Variants in FKBP5 observed in about 807,000 individuals in gnomAD.
FKBP5 encodes the protein FKBP prolyl isomerase 5, also known as peptidyl-prolyl cis-trans isomerase FKBP5.
Under a neutral mutation model 50.5 loss-of-function variants are expected in FKBP5, and 23 were observed. The observed-to-expected ratio is 0.46, with a 90% confidence interval of 0.33 to 0.65. The LOEUF is 0.65. Among genes scored for constraint, FKBP5 ranks in the 30% least tolerant of loss-of-function variants. The pLI is 0.02. For synonymous variants in FKBP5, 176 were observed against 190.6 expected, an observed-to-expected ratio of 0.92 and a Z score of 0.63; for missense variants, 411 against 553.1, an observed-to-expected ratio of 0.74 and a Z score of 2.58.
chr6:35,581,782 G>T, intron 8 of FKBP5: 3 of 985,480 alleles, frequency 3.0e-6, no homozygotes, highest in Non-Finnish European at 3.6e-6. Flanking sequence ...CCTGCCAGAT[G>T]GCAGAGGAGC....
At chr6:35,656,861 C>T (rs1286367272) in intron 1 of FKBP5, among the ~76,000 whole-genome samples, 2 of 141,878 alleles carry the variant, frequency 1.4e-5, no homozygotes, top group East Asian at 4.1e-4. Flanking sequence ...CGTGCCACTG[C>T]ACTCCAGCCT....
chr6:35,590,577 C>G (rs1561847281), intron 7 of FKBP5, among the ~76,000 whole-genome samples: 1 of 152,038 alleles, frequency 6.6e-6, no homozygotes, highest in Non-Finnish European at 1.5e-5. Context: ...TCTCTCTTCT[C>G]TACTTGGAGA....
At chr6:35,694,967 T>A (rs1299053240) in intron 2 of FKBP5, among the ~76,000 whole-genome samples, 1 of 152,166 alleles carries the variant, frequency 6.6e-6, no homozygotes, top group East Asian at 1.9e-4. Flanking sequence ...AAGCAGCATA[T>A]AATAAATAAA....
At chr6:35,583,440 T>G in intron 8 of FKBP5, 1 of 985,450 alleles carries the variant, frequency 1.0e-6, no homozygotes, top group Non-Finnish European at 1.2e-6. Flanking sequence ...TTCCTTCACA[T>G]AGGGCATTTT....
chr6:35,618,245 T>C (rs1210677523), intron 5 of FKBP5, among the ~76,000 whole-genome samples: 3 of 152,208 alleles, frequency 2.0e-5, no homozygotes, highest in Non-Finnish European at 4.4e-5. Context: ...AGTCCACAGA[T>C]TGAGAATTTC....
chr6:35,611,800 A>G (rs1020958300), intron 5 of FKBP5, among the ~76,000 whole-genome samples: 1 of 152,242 alleles, frequency 6.6e-6, no homozygotes, highest in Non-Finnish European at 1.5e-5. Flanking sequence ...TCATATAAAG[A>G]GTAAAAATCA....
chr6:35,628,067 C>T (rs1764053561), intron 3 of FKBP5, among the ~76,000 whole-genome samples: 2 of 151,832 alleles, frequency 1.3e-5, no homozygotes, highest in Admixed American at 1.3e-4. Context: ...GCCACTGTGC[C>T]CGGCCTTCCT....
At chr6:35,590,284 G>C (rs990193624) in intron 7 of FKBP5, among the ~76,000 whole-genome samples, 2 of 151,902 alleles carry the variant, frequency 1.3e-5, no homozygotes, top group Admixed American at 6.6e-5. Context: ...TGGGTGACAA[G>C]AGTGAGACCC....
At chr6:35,589,128 A>ATATATATAT (rs1427010607) in intron 7 of FKBP5, among the ~76,000 whole-genome samples, 9 of 121,544 alleles carry the variant, frequency 7.4e-5, no homozygotes, top group African/African-American at 2.2e-4. Flanking sequence ...ATATATATAT[A>ATATATATAT]TTTTTTTTTT....
chr6:35,658,333 G>C (rs192516201), intron 1 of FKBP5, among the ~76,000 whole-genome samples: 186 of 150,714 alleles, frequency 1.2e-3, no homozygotes, highest in African/African-American at 4.3e-3. Context: ...CCGAGTTTGC[G>C]CCACTGCACT....
At chr6:35,686,751 C>T (rs1044857132) in intron 1 of FKBP5, among the ~76,000 whole-genome samples, 173 of 152,220 alleles carry the variant, frequency 1.1e-3, no homozygotes, top group African/African-American at 4.0e-3. Flanking sequence ...CTAAACTGAA[C>T]CCAAAATATG....
At chr6:35,610,033 T>C (rs768901813) in intron 5 of FKBP5, among the ~76,000 whole-genome samples, 1 of 152,320 alleles carries the variant, frequency 6.6e-6, no homozygotes, top group South Asian at 2.1e-4. Flanking sequence ...ATCAAATGAC[T>C]ATAGTTAGCT....
chr6:35,626,329 TA>T (rs1763998280), intron 3 of FKBP5, among the ~76,000 whole-genome samples: 1 of 152,224 alleles, frequency 6.6e-6, no homozygotes, highest in African/African-American at 2.4e-5. Context: ...CTTCCTTCTG[TA>T]ATGTTACACT....
In FKBP5 at chr6:35,641,764, C is replaced by T. The variant is rs544667174; in HGVS notation, c.105+956G>A. Among the ~76,000 whole-genome samples, 225 of 152,020 alleles carry T rather than the reference C, an allele frequency of 1.5e-3. 1 individual carries two copies. The highest frequency in any genetic ancestry group is 2.7e-3 in the Non-Finnish European group (185 of 67,962). On this transcript the variant is annotated intron_variant, in intron 2 of 10. Transcript: ENST00000357266. ...TCATGCCTGTAATCCCAACACTTTG[C>T]GAGGCCAAGGCAGGCGGATCACCTG... is the stretch of plus-strand genomic sequence containing the variant.
chr6:35,638,257 A>G (rs1479557956), intron 2 of FKBP5, among the ~76,000 whole-genome samples: 2 of 152,190 alleles, frequency 1.3e-5, no homozygotes, highest in Admixed American at 1.3e-4. Flanking sequence ...TCTGATGAAC[A>G]TCTTTTTGGG....
chr6:35,662,939 A>T (rs1028207427), intron 1 of FKBP5, among the ~76,000 whole-genome samples: 2 of 152,200 alleles, frequency 1.3e-5, no homozygotes, highest in African/African-American at 4.8e-5. Flanking sequence ...ATTCCAAATA[A>T]TTATTATTAG....
intron 6 of FKBP5, among the ~76,000 whole-genome samples, chr6:35,593,180 C>T (rs1762873045): frequency 6.6e-6 from 1 of 152,112 alleles, no homozygotes; most frequent in Admixed American, 6.5e-5. Flanking sequence ...CCAGGGCACC[C>T]AACTCATCTG....
chr6:35,579,704 T>C (rs1762361850), intron 9 of FKBP5, among the ~76,000 whole-genome samples: 1 of 152,218 alleles, frequency 6.6e-6, no homozygotes, highest in Non-Finnish European at 1.5e-5. Context: ...TCTTCTCTTA[T>C]TAAACTGAAC....
intron 1 of FKBP5, among the ~76,000 whole-genome samples, chr6:35,666,141 A>C (rs567151600): frequency 5.8e-4 from 89 of 152,270 alleles, no homozygotes; most frequent in Admixed American, 1.1e-3. Context: ...TACTATGACA[A>C]GGATTCATTT....
Sources: allele counts gnomAD v4.1 joint callset (sites outside exome capture counted in the v4.1 genomes callset), GRCh38; gene constraint gnomAD v4.1.1; transcripts MANE v1.5; gene names NCBI Gene and HGNC (gene_info 2026-07-23, HGNC 2026-07-21).